The following SMUG1 variants were observed in gnomAD, a reference collection of about 807,000 sequenced individuals.
The protein encoded by SMUG1 is single-strand-selective monofunctional uracil-DNA glycosylase 1.
A neutral mutation model predicts 23.9 loss-of-function variants in SMUG1; 13 were observed. The observed-to-expected ratio is 0.54, with a 90% confidence interval of 0.35 to 0.86. The LOEUF is 0.86. Among genes scored for constraint, SMUG1 ranks in the 40% least tolerant of loss-of-function variants. The pLI is 0.01. For synonymous variants in SMUG1, 133 were observed against 139.8 expected, an observed-to-expected ratio of 0.95 and a Z score of 0.34; for missense variants, 313 against 339.5, an observed-to-expected ratio of 0.92 and a Z score of 0.61.
Position 54,181,798 on chromosome 12 carries a change from G to A in SMUG1, c.*298C>T, listed in dbSNP as rs1592369975. 7.0e-7 allele frequency: 1 copy of A among 1,430,728 alleles called. No homozygotes were observed. Among genetic ancestry groups the A allele is most frequent in the Non-Finnish European group, 9.1e-7 (1 of 1,097,882 alleles). 88.6% of individuals were successfully genotyped at this position (1,430,728 alleles called of 1,614,324 possible). A position where few individuals can be genotyped will look rare whatever the true frequency, so the allele number is the denominator to read the frequency against. On this transcript the variant is annotated 3_prime_UTR_variant, in exon 4 of 4. Coordinates refer to ENST00000682136, the MANE Select transcript of SMUG1 (RefSeq NM_001243787.2). ...ATAAAGTCTCCCAAGGAAACACTGA[G>A]GTAGAGCAGTCTGCAAGTGCAAAAG... is the stretch of plus-strand genomic sequence containing the variant.
downstream of SMUG1, among the ~76,000 whole-genome samples, chr12:54,160,086 G>A (rs1050640329): frequency 6.6e-6 from 1 of 152,190 alleles, no homozygotes; most frequent in Non-Finnish European, 1.5e-5. Context: ...CTGTGCCTGG[G>A]ATCCTTCAGC....
downstream of SMUG1, among the ~76,000 whole-genome samples, chr12:54,178,211 T>C (rs1272209300): frequency 6.6e-6 from 1 of 152,148 alleles, no homozygotes; most frequent in African/African-American, 2.4e-5. Flanking sequence ...ATCCACCCAG[T>C]CTGTGGTAGT....
At chr12:54,183,443 C>T (rs1231142192) in intron 3 of SMUG1, 20 of 587,400 alleles carry the variant, frequency 3.4e-5, no homozygotes, top group Admixed American at 3.0e-4. Context: ...ACAGGGAAAA[C>T]GAAACTACCA....
chr12:54,163,566 G>A (rs1001633930), downstream of SMUG1, among the ~76,000 whole-genome samples: 1 of 152,208 alleles, frequency 6.6e-6, no homozygotes, highest in Admixed American at 6.5e-5. Flanking sequence ...GACCTTTGGA[G>A]GAAGCTGGGG....
chr12:54,176,667 C>A (rs997920390), downstream of SMUG1, among the ~76,000 whole-genome samples: 7 of 150,466 alleles, frequency 4.7e-5, no homozygotes, highest in Admixed American at 1.3e-4. Flanking sequence ...ATTAGCCGGG[C>A]GTGGTAGCGG....
chr12:54,167,275 A>G (rs1206032594), intron 3 of SMUG1, among the ~76,000 whole-genome samples: 2 of 152,328 alleles, frequency 1.3e-5, no homozygotes, highest in East Asian at 1.9e-4. Context: ...CTAGTCTAAA[A>G]CAAAACAAAA....
chr12:54,165,243 A>T (rs1253771466), intron 4 of SMUG1: 5 of 152,172 alleles, frequency 3.3e-5, no homozygotes, highest in African/African-American at 1.2e-4. Context: ...TGATCAGCAG[A>T]CCCTTCGTTT....
intron 3 of SMUG1, among the ~76,000 whole-genome samples, chr12:54,165,725 C>T (rs986904324): frequency 2.0e-5 from 3 of 151,984 alleles, no homozygotes; most frequent in Non-Finnish European, 4.4e-5. Context: ...ACCATCGAAA[C>T]ACCCATGAAA....
At chr12:54,170,636 ACTCAGG>A (rs1318412520) in intron 3 of SMUG1, among the ~76,000 whole-genome samples, 21 of 151,810 alleles carry the variant, frequency 1.4e-4, no homozygotes, top group Non-Finnish European at 3.1e-4. Context: ...TCACTCTGTC[ACTCAGG>A]CTGGTGTGCA....
intron 3 of SMUG1, among the ~76,000 whole-genome samples, chr12:54,168,775 T>A (rs1032165154): frequency 1.3e-5 from 2 of 151,974 alleles, no homozygotes; most frequent in Non-Finnish European, 2.9e-5. Flanking sequence ...CTGAAGAATC[T>A]CTCAAGACCC....
At chr12:54,184,975 C>T (rs1445277293) in intron 2 of SMUG1, among the ~76,000 whole-genome samples, 2 of 152,176 alleles carry the variant, frequency 1.3e-5, no homozygotes, top group African/African-American at 2.4e-5. Context: ...ACTGGCCTGG[C>T]CAACATGGCG....
chr12:54,174,322 G>C (rs994017282), intron 2 of SMUG1, among the ~76,000 whole-genome samples: 1 of 152,212 alleles, frequency 6.6e-6, no homozygotes, highest in African/African-American at 2.4e-5. Flanking sequence ...ATCACATGAG[G>C]TTCTGAGAGG....
chr12:54,169,129 GCAGA>G (rs1230060496), intron 3 of SMUG1, among the ~76,000 whole-genome samples: 1 of 152,130 alleles, frequency 6.6e-6, no homozygotes, highest in Non-Finnish European at 1.5e-5. Flanking sequence ...TGACCAAAAG[GCAGA>G]CAGATTGGTT....
downstream of SMUG1, among the ~76,000 whole-genome samples, chr12:54,175,768 G>A (rs1474637976): frequency 3.9e-5 from 6 of 152,122 alleles, no homozygotes; most frequent in African/African-American, 9.7e-5. Context: ...ATTCACCTCC[G>A]TCACTCCCTA....
At chr12:54,170,198 T>TAAA (rs34662291) in intron 3 of SMUG1, among the ~76,000 whole-genome samples, 1 of 135,718 alleles carries the variant, frequency 7.4e-6, no homozygotes, top group South Asian at 2.3e-4. Context: ...AACTCTGTCT[T>TAAA]AAAAAAAAAA....
At chr12:54,168,769 A>G (rs1026239867) in intron 3 of SMUG1, among the ~76,000 whole-genome samples, 1 of 152,138 alleles carries the variant, frequency 6.6e-6, no homozygotes, top group African/African-American at 2.4e-5. Context: ...ATTTGACTGA[A>G]GAATCTCTCA....
chr12:54,181,556 A>C lies in SMUG1; in HGVS notation c.*540T>G. Reference sequence around the variant, plus strand: ...TGAAAAGCCAGGTCTTCTGACTTGCACTCTGTCACACTGGATTTTTCCTCT... The same window carrying C: ...TGAAAAGCCAGGTCTTCTGACTTGCCCTCTGTCACACTGGATTTTTCCTCT... On this transcript the variant is annotated 3_prime_UTR_variant, in exon 4 of 4. Transcript: ENST00000682136. 1 of 1,547,536 alleles carries C rather than the reference A, an allele frequency of 6.5e-7. No homozygotes were observed.
downstream of SMUG1, among the ~76,000 whole-genome samples, chr12:54,177,986 G>A (rs76628943): frequency 1.3e-5 from 2 of 152,094 alleles, no homozygotes; most frequent in African/African-American, 2.4e-5. Context: ...AGGCACCTAA[G>A]GTTAAATTGG....
chr12:54,161,659 C>T (rs370691932), downstream of SMUG1, among the ~76,000 whole-genome samples: 43 of 152,294 alleles, frequency 2.8e-4, 2 homozygotes, highest in South Asian at 7.9e-3. This position sits in a 1 kb window ranked among gnomAD's most constrained non-coding sequence, Gnocchi z 4.2. Flanking sequence ...TCCATATTCC[C>T]GCCTCTCTCC....
Sources: gnomAD v4.1 joint callset for allele counts (sites outside exome capture counted in the v4.1 genomes callset) on GRCh38, gnomAD v4.1.1 for gene constraint, Gnocchi (gnomAD v3.1) non-coding constraint, MANE v1.5 for transcripts, NCBI Gene and HGNC (gene_info 2026-07-23, HGNC 2026-07-21) for gene names.